CNOT10: variants seen among roughly 807,000 people sequenced by gnomAD.
CNOT10 encodes the protein CCR4-NOT transcription complex, subunit 10.
Under a neutral mutation model 94.6 loss-of-function variants are expected in CNOT10, and 30 were observed. That is an observed-to-expected ratio of 0.32 (90% CI 0.24 to 0.43). The LOEUF (loss-of-function observed/expected upper bound fraction) is 0.43. Among genes scored for constraint, CNOT10 ranks in the 20% least tolerant of loss-of-function variants. The pLI, the probability that CNOT10 is intolerant of heterozygous loss-of-function variation, is 1.00. For synonymous variants in CNOT10, 289 were observed against 301.6 expected (o/e 0.96, Z 0.43); for missense variants, 759 against 877.2 (o/e 0.87, Z 1.70).
intron 11 of CNOT10, among the ~76,000 whole-genome samples, chr3:32,734,577 G>A (rs1170868459): frequency 6.6e-6 from 1 of 152,070 alleles, no homozygotes; most frequent in Non-Finnish European, 1.5e-5. Context: ...TAGAGACACA[G>A]TGTATGTAAT....
chr3:32,704,830 G>C lies in CNOT10; in HGVS notation c.137G>C (p.Cys46Ser), dbSNP rs1697540599. 8 of 1,561,474 alleles carry C rather than the reference G, an allele frequency of 5.1e-6. No homozygotes were observed. The highest frequency in any genetic ancestry group is 6.9e-6 in the Non-Finnish European group (8 of 1,163,958). The change falls in exon 3 of 19, where the codon TGT becomes TCT. Residue 46 changes from cysteine to serine, a missense_variant. Transcript: ENST00000328834. ...QAFTSGNYDA[C>S]LQHLACLQDI... Reference sequence around the variant, plus strand: ...TTTTAGTCTGGAAATTATGATGCCTGTCTACAACACCTTGCCTGTCTACAA... The same window carrying C: ...TTTTAGTCTGGAAATTATGATGCCTCTCTACAACACCTTGCCTGTCTACAA...
At chr3:32,697,319 A>G (rs1209763664) in intron 1 of CNOT10, among the ~76,000 whole-genome samples, 1 of 152,330 alleles carries the variant, frequency 6.6e-6, no homozygotes, top group South Asian at 2.1e-4. Context: ...AGTGGAGAAT[A>G]GAAGCTCAAA....
At chr3:32,727,263 G>A (rs923744969) in intron 9 of CNOT10, among the ~76,000 whole-genome samples, 1 of 152,068 alleles carries the variant, frequency 6.6e-6, no homozygotes, top group Non-Finnish European at 1.5e-5. Flanking sequence ...GAGTCCAGGA[G>A]TTCAAGACCA....
chr3:32,691,235 C>G (rs762327607), intron 1 of CNOT10, among the ~76,000 whole-genome samples: 16 of 149,310 alleles, frequency 1.1e-4, no homozygotes, highest in Non-Finnish European at 2.2e-4. Context: ...AATCTCGGCT[C>G]AGTGCAACCT....
At chr3:32,721,429 CTTTTTTTTTTTT>C (rs58351356) in intron 8 of CNOT10, among the ~76,000 whole-genome samples, 2,912 of 72,876 alleles carry the variant, frequency 0.04, 106 homozygotes, top group Middle Eastern at 0.25. Flanking sequence ...TTTCTTTCAT[CTTTTTTTTTTTT>C]TTTTTTTTTT....
chr3:32,703,341 A>G (rs1237190382), intron 1 of CNOT10, among the ~76,000 whole-genome samples: 1 of 152,172 alleles, frequency 6.6e-6, no homozygotes, highest in Non-Finnish European at 1.5e-5. Flanking sequence ...TCCTCAGAAG[A>G]TACATTCAGG....
chr3:32,714,680 G>C (rs1214317654), intron 5 of CNOT10, among the ~76,000 whole-genome samples: 4 of 152,192 alleles, frequency 2.6e-5, no homozygotes, highest in Non-Finnish European at 5.9e-5. Context: ...CTGCACTCCA[G>C]CCTGGGAGAC....
intron 1 of CNOT10, chr3:32,695,683 A>G: frequency 6.5e-7 from 1 of 1,536,062 alleles, no homozygotes; most frequent in Non-Finnish European, 8.7e-7. Flanking sequence ...CTCTGTACGC[A>G]TAGAAGGTCA....
chr3:32,732,082 A>G (rs1055420277), intron 10 of CNOT10, among the ~76,000 whole-genome samples: 1 of 151,624 alleles, frequency 6.6e-6, no homozygotes, highest in African/African-American at 2.4e-5. Flanking sequence ...CCATCTCAAA[A>G]AAATAAATAA....
At chr3:32,693,188 A>G (rs957155812) in intron 1 of CNOT10, among the ~76,000 whole-genome samples, 3 of 152,070 alleles carry the variant, frequency 2.0e-5, no homozygotes, top group Admixed American at 2.0e-4. Flanking sequence ...CCTATGTTTG[A>G]TATTTAAAGT....
intron 12 of CNOT10, among the ~76,000 whole-genome samples, chr3:32,736,915 G>T (rs186925402): frequency 6.6e-6 from 1 of 152,072 alleles, no homozygotes; most frequent in African/African-American, 2.4e-5. Context: ...AGGGGTGGGG[G>T]CAGTGGGGGA....
chr3:32,716,106 A>G (rs1348879956), intron 5 of CNOT10, 119 bp from the exon 6 acceptor site: 7 of 528,880 alleles, frequency 1.3e-5, no homozygotes, highest in Non-Finnish European at 2.3e-5. Context: ...CATTTCCCAC[A>G]AATTCTACAT....
At chr3:32,740,057 A>G (rs1052729444) in intron 13 of CNOT10, among the ~76,000 whole-genome samples, 1 of 152,236 alleles carries the variant, frequency 6.6e-6, no homozygotes, top group African/African-American at 2.4e-5. Flanking sequence ...TGATTGTACC[A>G]TCAAACTCCA....
At chr3:32,740,841 G>C (rs564163094) in intron 13 of CNOT10, among the ~76,000 whole-genome samples, 2 of 149,092 alleles carry the variant, frequency 1.3e-5, no homozygotes, top group African/African-American at 4.9e-5. Context: ...CAGCCTGGAC[G>C]ACAGAGCGAG....
intron 1 of CNOT10, among the ~76,000 whole-genome samples, chr3:32,691,722 C>T (rs567286213): frequency 1.3e-5 from 2 of 152,278 alleles, no homozygotes; most frequent in Admixed American, 1.3e-4. Context: ...ACCATGATGC[C>T]ATTGTCATAG....
intron 1 of CNOT10, chr3:32,693,403 A>G (rs1211718240): frequency 6.6e-6 from 1 of 151,080 alleles, no homozygotes; most frequent in Non-Finnish European, 1.5e-5. Context: ...TTTTCTGTAG[A>G]GACAGGGTTT....
intron 13 of CNOT10, chr3:32,753,802 A>G: frequency 6.3e-7 from 1 of 1,592,358 alleles, no homozygotes; most frequent in Non-Finnish European, 8.6e-7. Context: ...CAGATCCTTT[A>G]TGGGAGTCTG....
chr3:32,716,603 C>T (rs1698132549), intron 6 of CNOT10, among the ~76,000 whole-genome samples: 1 of 152,062 alleles, frequency 6.6e-6, no homozygotes, highest in Non-Finnish European at 1.5e-5. Context: ...TAGCCATGTG[C>T]AGAAGAGGAT....
chr3:32,771,651 AATAG>A (rs779635728), intron 18 of CNOT10, among the ~76,000 whole-genome samples: 24 of 152,086 alleles, frequency 1.6e-4, no homozygotes, highest in Non-Finnish European at 3.4e-4. Context: ...TAGATAGATA[AATAG>A]ATAAATTGAT....
Sources: gnomAD v4.1 joint callset for allele counts (sites outside exome capture counted in the v4.1 genomes callset) on GRCh38, gnomAD v4.1.1 for gene constraint, MANE v1.5 for transcripts, NCBI Gene and HGNC (gene_info 2026-07-23, HGNC 2026-07-21) for gene names.